Variants in PPP1R9A observed in about 807,000 individuals in gnomAD.
PPP1R9A encodes the protein neurabin-1.
Under a neutral mutation model 141.9 loss-of-function variants are expected in PPP1R9A, and 59 were observed. The observed-to-expected ratio is 0.42, with a 90% confidence interval of 0.34 to 0.52. The LOEUF (loss-of-function observed/expected upper bound fraction) is 0.52, where lower values mean the gene tolerates loss of function less well. PPP1R9A is among the 20% of genes least tolerant of loss of function. The pLI, the probability that PPP1R9A is intolerant of heterozygous loss-of-function variation, is 0.10. For missense variants in PPP1R9A, 1,444 were observed against 1,611.9 expected, an observed-to-expected ratio of 0.90 and a Z score of 1.78; for synonymous variants, 500 against 569.7, an observed-to-expected ratio of 0.88 and a Z score of 1.74.
chr7:95,282,317 G>A (rs1233759046), intron 16 of PPP1R9A, among the ~76,000 whole-genome samples: 2 of 152,134 alleles, frequency 1.3e-5, no homozygotes, highest in African/African-American at 4.8e-5. Flanking sequence ...GGGTTACAGA[G>A]CGAGACCCTG....
At chr7:95,285,010 A>C (rs1444653804) in intron 17 of PPP1R9A, among the ~76,000 whole-genome samples, 3 of 152,210 alleles carry the variant, frequency 2.0e-5, no homozygotes. Flanking sequence ...AACAGCTCAA[A>C]GGGTTTTGAC....
At chr7:95,194,352 ATCTCTAGGCAG>A (rs1472927895) in intron 5 of PPP1R9A, among the ~76,000 whole-genome samples, 2 of 152,158 alleles carry the variant, frequency 1.3e-5, no homozygotes, top group African/African-American at 4.8e-5. Flanking sequence ...TATTCTGTGT[ATCTCTAGGCAG>A]TCTAGAACTC....
chr7:95,287,027 A>T, intron 18 of PPP1R9A: 1 of 1,427,764 alleles, frequency 7.0e-7, no homozygotes, highest in Non-Finnish European at 9.8e-7. Flanking sequence ...TTTTAATTTT[A>T]TTAAAATTAT....
At chr7:95,243,506 C>T (rs990633219) in intron 8 of PPP1R9A, among the ~76,000 whole-genome samples, 3 of 152,066 alleles carry the variant, frequency 2.0e-5, no homozygotes, top group Non-Finnish European at 4.4e-5. Flanking sequence ...TCAGAGACTA[C>T]CAGAAGTGAT....
intron 5 of PPP1R9A, among the ~76,000 whole-genome samples, chr7:95,169,607 T>C (rs995089607): frequency 2.6e-5 from 4 of 151,968 alleles, no homozygotes; most frequent in African/African-American, 9.7e-5. Context: ...TTGGTCATTA[T>C]ACAGTATAGC....
rs140428768 is a variant in PPP1R9A, at chr7:94,951,147, A to G, written c.1395+39639A>G. ...TTTGCCTGCAGATTTCAGATTTTCT[A>G]AATAGGTGATTGTATAGTATTCCAA... On this transcript the variant is annotated intron_variant, in intron 2 of 19. Transcript: ENST00000433360. 5.4e-3 allele frequency among the ~76,000 whole-genome samples: 818 copies of G among 152,252 alleles called. 3 individuals carry two copies. Among genetic ancestry groups the G allele is most frequent in the Non-Finnish European group, 8.0e-3 (543 of 68,020 alleles).
intron 2 of PPP1R9A, among the ~76,000 whole-genome samples, chr7:95,045,612 C>G (rs1809899392): frequency 6.6e-6 from 1 of 152,230 alleles, no homozygotes; most frequent in Non-Finnish European, 1.5e-5. Context: ...TTACCAATTT[C>G]AAGTGTTTTT....
Position 95,106,939 on chromosome 7 carries a change from G to A in PPP1R9A, c.1396-4320G>A, listed in dbSNP as rs138262171. Among the ~76,000 whole-genome samples the A allele has an allele frequency of 5.9e-3, 893 of 151,886 alleles. 10 individuals carry two copies. Among genetic ancestry groups the A allele is most frequent in the African/African-American group, 0.02 (842 of 41,398 alleles). ...AGCCTCCCGAGGTGCACGCCACCAC[G>A]CCCAGTTAATTGTTGTATTTTTAGT... On this transcript the variant is annotated intron_variant, in intron 2 of 19. Coordinates refer to ENST00000433360, the MANE Select transcript of PPP1R9A (RefSeq NM_001166160.2).
intron 2 of PPP1R9A, among the ~76,000 whole-genome samples, chr7:94,996,279 A>G (rs531646780): frequency 2.0e-5 from 3 of 152,338 alleles, no homozygotes; most frequent in African/African-American, 7.2e-5. Context: ...TTTATTATAC[A>G]GAACATAGAA....
intron 1 of PPP1R9A, chr7:94,908,590 C>G (rs1225713679): frequency 6.6e-6 from 1 of 152,152 alleles, no homozygotes; most frequent in East Asian, 1.9e-4. Flanking sequence ...TCGGCTGCCT[C>G]TCAAGTTGGT....
At chr7:94,931,941 G>T (rs773783740) in intron 2 of PPP1R9A, among the ~76,000 whole-genome samples, 1 of 152,134 alleles carries the variant, frequency 6.6e-6, no homozygotes, top group Admixed American at 6.5e-5. Flanking sequence ...GTAAATGCAG[G>T]GGAGTGGCTG....
intron 2 of PPP1R9A, among the ~76,000 whole-genome samples, chr7:95,034,338 TA>T (rs965052304): frequency 1.7e-4 from 26 of 151,572 alleles, no homozygotes; most frequent in East Asian, 1.4e-3. Context: ...CAGCATTAAT[TA>T]AAAAAATATT....
At chr7:95,134,048 C>A (rs764782161) in intron 4 of PPP1R9A, among the ~76,000 whole-genome samples, 1 of 152,048 alleles carries the variant, frequency 6.6e-6, no homozygotes, top group Non-Finnish European at 1.5e-5. Flanking sequence ...TTTACAATAG[C>A]AAAGACTTGG....
At chr7:94,972,132 A>G (rs573152539) in intron 2 of PPP1R9A, among the ~76,000 whole-genome samples, 15 of 152,330 alleles carry the variant, frequency 9.8e-5, no homozygotes, top group Middle Eastern at 3.4e-3. Flanking sequence ...AATAATGCCT[A>G]ATTTTAATTC....
chr7:94,955,111 C>T (rs115972810), intron 2 of PPP1R9A, among the ~76,000 whole-genome samples: 218 of 151,902 alleles, frequency 1.4e-3, no homozygotes, highest in African/African-American at 4.9e-3. Flanking sequence ...ACTGTTTATT[C>T]ATGTATCATA....
chr7:95,264,495 T>C (rs373922709), intron 12 of PPP1R9A, among the ~76,000 whole-genome samples: 11 of 152,316 alleles, frequency 7.2e-5, no homozygotes, highest in African/African-American at 2.4e-4. Context: ...GGTCTCTGTG[T>C]AATATGATAT....
rs181649272 is a variant in PPP1R9A, at chr7:95,105,629, T to A, written c.1396-5630T>A. 6.8e-4 allele frequency among the ~76,000 whole-genome samples: 104 copies of A among 152,226 alleles called. 1 individual carries two copies. The South Asian group carries it at 6.8e-3, about 10-fold the overall frequency. On this transcript the variant is annotated intron_variant, in intron 2 of 19. Transcript: ENST00000433360. Reference sequence around the variant, plus strand: ...CTCAGAATGCTGTTGGCCTTTAGAGTTTTTTGTGTTGCTGGAATACCAGGA... The same window carrying A: ...CTCAGAATGCTGTTGGCCTTTAGAGATTTTTGTGTTGCTGGAATACCAGGA...
At chr7:95,251,273 T>A (rs528573118) in intron 10 of PPP1R9A, among the ~76,000 whole-genome samples, 1 of 152,320 alleles carries the variant, frequency 6.6e-6, no homozygotes, top group Admixed American at 6.5e-5. Context: ...CCCCATATTA[T>A]CCTTAGGTCT....
At chr7:95,280,533 A>G (rs1803996188) in intron 16 of PPP1R9A, among the ~76,000 whole-genome samples, 1 of 152,220 alleles carries the variant, frequency 6.6e-6, no homozygotes. Context: ...TATTACATAA[A>G]CCATTTAAAT....
Sources: gnomAD v4.1 joint callset for allele counts (sites outside exome capture counted in the v4.1 genomes callset) on GRCh38, gnomAD v4.1.1 for gene constraint, MANE v1.5 for transcripts, NCBI Gene and HGNC (gene_info 2026-07-23, HGNC 2026-07-21) for gene names.